The following CNTLN variants were observed in gnomAD, a reference collection of about 807,000 sequenced individuals.
CNTLN encodes centlein.
In CNTLN, 212 loss-of-function variants were observed where a neutral mutation model predicts 180.0. The observed-to-expected ratio is 1.18, with a 90% CI of 1.05 to 1.32. The LOEUF is 1.32. Among genes scored for constraint, CNTLN ranks in the 40% most tolerant of loss-of-function variants. The pLI, the probability that CNTLN is intolerant of heterozygous loss-of-function variation, is 0.00. For missense variants in CNTLN, 2,095 were observed against 1,610.9 expected (o/e 1.30, Z -5.14); for synonymous variants, 722 against 563.1 (o/e 1.28, Z -3.99).
intron 2 of CNTLN, among the ~76,000 whole-genome samples, chr9:17,177,545 G>A (rs1032729078): frequency 2.6e-5 from 4 of 152,192 alleles, no homozygotes; most frequent in East Asian, 1.9e-4. Flanking sequence ...CGGTGTGTCC[G>A]AAGTTTGTTC....
At chr9:17,172,757 A>G (rs1041860266) in intron 2 of CNTLN, among the ~76,000 whole-genome samples, 7 of 152,204 alleles carry the variant, frequency 4.6e-5, no homozygotes, top group Admixed American at 3.9e-4. Flanking sequence ...GGTCAAATAT[A>G]AACTTCTAGG....
At chr9:17,527,632 C>T in the CNTLN span, among the ~76,000 whole-genome samples, 3 of 152,024 alleles carry the variant, frequency 2.0e-5, no homozygotes, top group African/African-American at 7.2e-5. Context: ...TTAGAGTTGG[C>T]AATATCAGCA....
At chr9:17,481,945 A>G (rs1242244555) in intron 23 of CNTLN, among the ~76,000 whole-genome samples, 1 of 152,228 alleles carries the variant, frequency 6.6e-6, no homozygotes, top group African/African-American at 2.4e-5. Flanking sequence ...TGACTGGTGA[A>G]GGACTATTCC....
At chr9:17,182,288 T>C (rs1180862602) in intron 2 of CNTLN, among the ~76,000 whole-genome samples, 1 of 152,162 alleles carries the variant, frequency 6.6e-6, no homozygotes, top group African/African-American at 2.4e-5. Context: ...TGAGGCTTTT[T>C]TCTTTCTGTA....
intron 8 of CNTLN, 92 bp downstream of exon 8, chr9:17,309,344 T>A: frequency 1.0e-6 from 1 of 981,392 alleles, no homozygotes; most frequent in Non-Finnish European, 1.5e-6. Context: ...TAAATATATT[T>A]GCATTTATTG....
the CNTLN span, among the ~76,000 whole-genome samples, chr9:17,524,912 T>C: frequency 6.6e-6 from 1 of 152,204 alleles, no homozygotes; most frequent in African/African-American, 2.4e-5. Flanking sequence ...TGTCCTGTTG[T>C]TGCTAGGAGC....
At chr9:17,471,985 A>G (rs2134241513) in intron 23 of CNTLN, among the ~76,000 whole-genome samples, 1 of 152,256 alleles carries the variant, frequency 6.6e-6, no homozygotes, top group Middle Eastern at 3.4e-3. Flanking sequence ...CATTTCAGTG[A>G]ACCTAGCACA....
intron 8 of CNTLN, among the ~76,000 whole-genome samples, chr9:17,327,213 C>CT (rs71492913): frequency 0.071 from 8,320 of 117,726 alleles, 669 homozygotes; most frequent in East Asian, 0.26. Flanking sequence ...AGTAGTTAAC[C>CT]TTTTTTTTTT....
intron 23 of CNTLN, among the ~76,000 whole-genome samples, chr9:17,473,229 G>A (rs968152495): frequency 6.6e-6 from 1 of 152,080 alleles, no homozygotes; most frequent in Non-Finnish European, 1.5e-5. Context: ...GTGCATTCAG[G>A]CTCCACATTT....
intron 6 of CNTLN, among the ~76,000 whole-genome samples, chr9:17,294,430 CA>C (rs1044538876): frequency 7.9e-5 from 12 of 151,320 alleles, no homozygotes; most frequent in Non-Finnish European, 1.6e-4. Context: ...CTCCAAGTCC[CA>C]CTAGATTCTT....
At chr9:17,362,322 C>G (rs1256368557) in intron 12 of CNTLN, among the ~76,000 whole-genome samples, 2 of 152,016 alleles carry the variant, frequency 1.3e-5, no homozygotes, top group Non-Finnish European at 2.9e-5. Context: ...CTAATCCAAG[C>G]TTAATCATTG....
At chr9:17,431,784 A>G (rs1435554591) in intron 18 of CNTLN, among the ~76,000 whole-genome samples, 1 of 152,196 alleles carries the variant, frequency 6.6e-6, no homozygotes, top group Non-Finnish European at 1.5e-5. Context: ...TAGAAGATTA[A>G]GATCTGTCCC....
At chr9:17,178,659 G>A (rs1268951489) in intron 2 of CNTLN, among the ~76,000 whole-genome samples, 8 of 151,546 alleles carry the variant, frequency 5.3e-5, no homozygotes, top group South Asian at 4.2e-4. Context: ...GGGGCCTGCC[G>A]GCTGGCCGGC....
intron 16 of CNTLN, among the ~76,000 whole-genome samples, chr9:17,411,564 A>G (rs778719655): frequency 6.6e-6 from 1 of 152,178 alleles, no homozygotes; most frequent in Non-Finnish European, 1.5e-5. Flanking sequence ...GTGGCCTGCT[A>G]GGAACTGGCT....
In CNTLN at chr9:17,135,257, G is replaced by A. The variant is rs759537515; in HGVS notation, c.192G>A (p.Gly64=). Residue 64 remains glycine (G), a synonymous_variant, in exon 1 of 26, where the codon GGG becomes GGA. Coordinates refer to ENST00000380647, the MANE Select transcript of CNTLN (RefSeq NM_017738.4). The part of the protein sequence containing the change: ...DKIWVGEEGS[G]GRRGPGGAAP... ...TCTGGGTGGGTGAAGAAGGGTCAGG[G>A]GGCCGGCGAGGGCCTGGGGGGGCAG... 6.2e-6 allele frequency: 10 copies of A among 1,603,680 alleles called. No individual in the cohort carries two copies. The highest frequency in any genetic ancestry group is 1.7e-4 in the Middle Eastern group (1 of 6,044).
intron 5 of CNTLN, among the ~76,000 whole-genome samples, chr9:17,258,123 A>G (rs1346548154): frequency 6.7e-6 from 1 of 148,316 alleles, no homozygotes; most frequent in Non-Finnish European, 1.5e-5. Flanking sequence ...CTAACGTTTA[A>G]GTCTTTAATC....
rs924932098 is a variant in CNTLN, at chr9:17,289,440, C to T, written c.984-8750C>T. On this transcript the variant is annotated intron_variant, in intron 6 of 25. Coordinates refer to ENST00000380647, the MANE Select transcript of CNTLN (RefSeq NM_017738.4). ...GACCTTTCTCTCTGGCTGCCCTTAA[C>T]ATTTTTTCCTTCATTTCAACTTTGG... 6.3e-5 allele frequency among the ~76,000 whole-genome samples: 8 copies of T among 127,052 alleles called. 1 individual carries two copies. The highest frequency in any genetic ancestry group is 1.1e-4 in the Non-Finnish European group (7 of 62,844). 83.4% of individuals were successfully genotyped at this position (127,052 alleles called of 152,430 possible).
At chr9:17,382,586 A>T (rs184651812) in intron 13 of CNTLN, among the ~76,000 whole-genome samples, 1 of 152,352 alleles carries the variant, frequency 6.6e-6, no homozygotes, top group East Asian at 1.9e-4. Context: ...CACAGTCATT[A>T]ATCTGTTGAG....
the CNTLN span, among the ~76,000 whole-genome samples, chr9:17,526,074 T>C: frequency 6.6e-6 from 1 of 152,182 alleles, no homozygotes; most frequent in Admixed American, 6.5e-5. Context: ...TAGCTGAGAC[T>C]ACAGGTGCCC....
Sources: gnomAD v4.1 joint callset for allele counts (sites outside exome capture counted in the v4.1 genomes callset) on GRCh38, gnomAD v4.1.1 for gene constraint, MANE v1.5 for transcripts, NCBI Gene and HGNC (gene_info 2026-07-23, HGNC 2026-07-21) for gene names.